STARD10: variants seen among roughly 807,000 people sequenced by gnomAD.
The protein encoded by STARD10 is START domain-containing protein 10.
Under a neutral mutation model 36.0 loss-of-function variants are expected in STARD10, and 24 were observed. That is an observed-to-expected ratio of 0.67 (90% CI 0.48 to 0.94). The LOEUF is 0.94. STARD10 is among the 40% of genes least tolerant of loss of function. The pLI is 0.00. For synonymous variants in STARD10, 156 were observed against 161.9 expected (o/e 0.96, Z 0.28); for missense variants, 335 against 396.6 (o/e 0.84, Z 1.32).
chr11:72,792,286 C>G (rs1485099999), intron 1 of STARD10, among the ~76,000 whole-genome samples: 5 of 151,910 alleles, frequency 3.3e-5, no homozygotes. Flanking sequence ...AACCCCCAAC[C>G]TCAGGTGATC....
In STARD10 at chr11:72,757,804, G is replaced by C; in HGVS notation, c.540C>G (p.Ser180Arg). 3.7e-6 allele frequency: 6 copies of C among 1,614,238 alleles called. No homozygotes were observed. The highest frequency in any genetic ancestry group is 5.1e-6 in the Non-Finnish European group (6 of 1,180,030). Residue 180 changes from serine (S) to arginine (R), a missense_variant, in exon 5 of 7, where the codon AGC becomes AGG. Transcript: ENST00000334805. The part of the protein sequence containing the change: ...GYLIQSTGPK[S>R]CVITYLAQVD... ...CCTGGGCCAGGTAGGTGATGACGCA[G>C]CTCTTGGGCCCTGTGCTCTGGATGA...
chr11:72,781,239 C>T lies in STARD10; in HGVS notation c.-58G>A. 1 of 1,498,838 alleles carries T rather than the reference C, an allele frequency of 6.7e-7. No homozygotes were observed. Among genetic ancestry groups the T allele is most frequent in the Non-Finnish European group, 9.1e-7 (1 of 1,098,460 alleles). The allele number at this position is 1,498,838 out of a possible 1,614,324, so 92.8% of individuals were successfully genotyped here. On this transcript the variant is annotated 5_prime_UTR_variant, in exon 2 of 7. Coordinates refer to ENST00000334805, the MANE Select transcript of STARD10 (RefSeq NM_006645.3). The surrounding 1 kb of genome is among the most constrained non-coding windows in gnomAD (Gnocchi z 4.7). ...TAGTCCGGCTCTCCTGGGTCCTCCG[C>T]GGAGGCTCCGACAACGTCGACGCGG...
intron 5 of STARD10, 132 bp downstream of exon 5, chr11:72,757,619 CCTTGGTTCAAGGAAGG>C: frequency 1.4e-6 from 1 of 691,950 alleles, no homozygotes; most frequent in South Asian, 1.8e-5. Context: ...AAGTCCCAAG[CCTTGGTTCAAGGAAGG>C]CTTTGGATGG....
Position 72,780,164 on chromosome 11 carries a change from T to G in STARD10, c.207+811A>C, listed in dbSNP as rs538497941. 4.9e-3 allele frequency: 2,213 copies of G among 449,304 alleles called. 62 individuals are homozygous for G. Among genetic ancestry groups the G allele is most frequent in the South Asian group, 0.033 (2,145 of 64,038 alleles). The allele number at this position is 449,304 out of a possible 1,614,324, so 27.8% of individuals were successfully genotyped here. On this transcript the variant is annotated intron_variant, in intron 2 of 6. Coordinates refer to ENST00000334805, the MANE Select transcript of STARD10 (RefSeq NM_006645.3). ...CTATTGAGGCCCTTAAACCAGAGTC[T>G]TCACGAGCCCCTGCCCCATCTGGTC... is the stretch of plus-strand genomic sequence containing the variant.
intron 1 of STARD10, among the ~76,000 whole-genome samples, chr11:72,792,135 C>T (rs1386462758): frequency 1.3e-5 from 2 of 150,646 alleles, no homozygotes; most frequent in Non-Finnish European, 3.0e-5. Context: ...CCGCAAGCTC[C>T]GTCTCCCGGG....
intron 2 of STARD10, among the ~76,000 whole-genome samples, chr11:72,773,407 A>G (rs1353134065): frequency 1.3e-5 from 2 of 152,208 alleles, no homozygotes; most frequent in Non-Finnish European, 2.9e-5. Context: ...GTCAGAGCTG[A>G]GCCAGGGGCG....
intron 2 of STARD10, among the ~76,000 whole-genome samples, chr11:72,771,745 A>G (rs1858861018): frequency 6.6e-6 from 1 of 152,116 alleles, no homozygotes; most frequent in South Asian, 2.1e-4. Flanking sequence ...GCTCTGCAGC[A>G]GTGATGAACG....
chr11:72,773,920 T>C (rs182995080), intron 2 of STARD10, among the ~76,000 whole-genome samples: 65 of 152,330 alleles, frequency 4.3e-4, no homozygotes, highest in African/African-American at 1.3e-3. Flanking sequence ...CCTTGGAACA[T>C]AGTATGTCCT....
intron 2 of STARD10, among the ~76,000 whole-genome samples, chr11:72,776,518 C>T (rs1565242850): frequency 6.6e-6 from 1 of 152,170 alleles, no homozygotes; most frequent in African/African-American, 2.4e-5. Context: ...GGGAGACCCA[C>T]GGGCCCAATC....
chr11:72,756,483 G>A (rs990779094), intron 5 of STARD10, among the ~76,000 whole-genome samples: 18 of 152,082 alleles, frequency 1.2e-4, no homozygotes, highest in African/African-American at 3.1e-4. Flanking sequence ...AACAGGAGCC[G>A]ACTGTTCTAC....
At chr11:72,755,863 T>C in intron 5 of STARD10, 110 bp from the exon 6 acceptor site, 4 of 1,010,282 alleles carry the variant, frequency 4.0e-6, no homozygotes, top group Non-Finnish European at 5.8e-6. Flanking sequence ...GTCTTCCCCA[T>C]GAGGAGGAGG....
Position 72,755,035 on chromosome 11 carries a change from G to A in STARD10, c.738C>T (p.Ser246=), listed in dbSNP as rs756485128. ...GCACCGACAGCTCCGACAGCGCCAG[G>A]CTCGGCAACGGGCTCTGCTCCGGGT... is the stretch of plus-strand genomic sequence containing the variant. ...WLHPEQSPLP[S]LALSELSVQH... is the part of the protein sequence containing the mutation. The change falls in exon 7 of 7, where the codon AGC becomes AGT. Residue 246 remains serine, a synonymous_variant. Transcript: ENST00000334805. 3.1e-6 allele frequency: 5 copies of A among 1,613,208 alleles called. No individual in the cohort carries two copies. The highest frequency in any genetic ancestry group is 1.1e-5 in the South Asian group (1 of 90,818).
Position 72,793,001 on chromosome 11 carries a change from G to A in STARD10, c.-240C>T, listed in dbSNP as rs1859167046. The A allele has an allele frequency of 6.6e-6, 1 of 152,650 alleles. No individual in the cohort carries two copies. Among genetic ancestry groups the A allele is most frequent in the Admixed American group, 6.5e-5 (1 of 15,284 alleles). The allele number at this position is 152,650 out of a possible 1,614,324, so 9.5% of individuals were successfully genotyped here. On this transcript the variant is annotated 5_prime_UTR_variant, in exon 1 of 7. Coordinates refer to ENST00000334805, the MANE Select transcript of STARD10 (RefSeq NM_006645.3). ...GCAGGGTCTTCCTCCATCAGGCCAA[G>A]GTGGGGGTAGGAGAAGAATTGGGAA...
intron 1 of STARD10, among the ~76,000 whole-genome samples, chr11:72,789,351 A>G (rs1859113810): frequency 6.6e-6 from 1 of 152,144 alleles, no homozygotes; most frequent in Admixed American, 6.5e-5. Context: ...CCTCTGTCCT[A>G]CATCTTTGTT....
At chr11:72,791,686 AG>A (rs749434416) in intron 1 of STARD10, among the ~76,000 whole-genome samples, 1 of 151,308 alleles carries the variant, frequency 6.6e-6, no homozygotes, top group Non-Finnish European at 1.5e-5. Flanking sequence ...CTGGGCAACA[AG>A]AGTGAAATTC....
chr11:72,769,545 T>C (rs182866143), intron 2 of STARD10, among the ~76,000 whole-genome samples: 1 of 152,244 alleles, frequency 6.6e-6, no homozygotes, highest in Non-Finnish European at 1.5e-5. Flanking sequence ...GGTTTTGTCA[T>C]GTTGCCCAGG....
In STARD10 at chr11:72,781,255, G is replaced by T; in HGVS notation, c.-74C>A. On this transcript the variant is annotated 5_prime_UTR_variant, in exon 2 of 7. Transcript: ENST00000334805. The surrounding 1 kb of genome is among the most constrained non-coding windows in gnomAD (Gnocchi z 4.7). The stretch of plus-strand genomic sequence containing the variant: ...GGTCCTCCGCGGAGGCTCCGACAAC[G>T]TCGACGCGGCTGCAGATGCTGACGC... 2 of 1,361,264 alleles carry T rather than the reference G, an allele frequency of 1.5e-6. No homozygotes were observed. The highest frequency in any genetic ancestry group is 2.5e-5 in the South Asian group (2 of 81,226). The allele number at this position is 1,361,264 out of a possible 1,614,324, so 84.3% of individuals were successfully genotyped here. A position where few individuals can be genotyped will look rare whatever the true frequency, so the allele number is the denominator to read the frequency against.
At chr11:72,759,176 G>A in intron 3 of STARD10, 58 bp downstream of exon 3, 2 of 1,591,854 alleles carry the variant, frequency 1.3e-6, no homozygotes, top group Admixed American at 1.7e-5. Context: ...GAGGAGGCTT[G>A]GTGGGAGGCC....
At chr11:72,771,346 T>C (rs181729933) in intron 2 of STARD10, among the ~76,000 whole-genome samples, 7 of 151,856 alleles carry the variant, frequency 4.6e-5, no homozygotes, top group Non-Finnish European at 1.0e-4. Context: ...GGCATGGGGG[T>C]TGGAAGGACA....
Sources: gnomAD v4.1 joint callset for allele counts (sites outside exome capture counted in the v4.1 genomes callset) on GRCh38, gnomAD v4.1.1 for gene constraint, Gnocchi (gnomAD v3.1) non-coding constraint, MANE v1.5 for transcripts, NCBI Gene and HGNC (gene_info 2026-07-23, HGNC 2026-07-21) for gene names.